Variants in PARP4 observed in about 807,000 individuals in gnomAD.
The protein encoded by PARP4 is poly(ADP-ribose) polymerase family member 4.
A neutral mutation model predicts 187.7 loss-of-function variants in PARP4; 120 were observed. The ratio of observed to expected loss-of-function variants is 0.64; its 90% confidence interval spans 0.55 to 0.74. The LOEUF (loss-of-function observed/expected upper bound fraction) is 0.74. Ranked by LOEUF, PARP4 falls within the 30% of genes least tolerant of loss-of-function variation. The pLI is 0.00. For synonymous variants in PARP4, 654 were observed against 740.9 expected (o/e 0.88, Z 1.90); for missense variants, 1,836 against 2,070.5 (o/e 0.89, Z 2.20).
chr13:24,498,751 G>GGA (rs1566020121), intron 5 of PARP4, among the ~76,000 whole-genome samples: 1 of 147,888 alleles, frequency 6.8e-6, no homozygotes, highest in Middle Eastern at 3.4e-3. Flanking sequence ...CATTTGTGGG[G>GGA]AAAAAAAAAA....
rs896432221 is a variant in PARP4, at chr13:24,456,485, A to C, written c.2425-7T>G. ...CAGCTTTGCAGTCTGTGCGCTGCAA[A>C]ACAAACACCGCGACAACAAGGTGAG... On this transcript the variant is annotated splice_polypyrimidine_tract_variant and splice_region_variant and intron_variant, in intron 20 of 33. Coordinates refer to ENST00000381989, the MANE Select transcript of PARP4 (RefSeq NM_006437.4). 1.3e-6 allele frequency: 2 copies of C among 1,583,780 alleles called. No individual in the cohort carries two copies. The highest frequency in any genetic ancestry group is 1.7e-6 in the Non-Finnish European group (2 of 1,157,342).
At chr13:24,510,385 T>C (rs1371136673) in intron 1 of PARP4, among the ~76,000 whole-genome samples, 1 of 151,836 alleles carries the variant, frequency 6.6e-6, no homozygotes, top group Non-Finnish European at 1.5e-5. Flanking sequence ...AAACCCCGTC[T>C]CTACTAAAAA....
intron 9 of PARP4, among the ~76,000 whole-genome samples, 154 bp downstream of exon 9, chr13:24,492,267 T>A (rs1868698125): frequency 6.7e-6 from 1 of 149,146 alleles, no homozygotes; most frequent in Non-Finnish European, 1.5e-5. Flanking sequence ...TTCATAAGGA[T>A]CCAGGGCTTT....
At chr13:24,421,353 CAT>C (rs1466586620) in intron 33 of PARP4, 39 bp from the exon 34 acceptor site, 1 of 854,122 alleles carries the variant, frequency 1.2e-6, no homozygotes, top group Admixed American at 3.0e-5. Flanking sequence ...CAGAATATAA[CAT>C]GTGAAATGTA....
chr13:24,456,457 T>C lies in PARP4; in HGVS notation c.2446A>G (p.Ile816Val). 6.2e-7 allele frequency: 1 copy of C among 1,605,528 alleles called. No individual in the cohort carries two copies. Among genetic ancestry groups the C allele is most frequent in the Non-Finnish European group, 8.5e-7 (1 of 1,173,196 alleles). Residue 816 changes from isoleucine to valine, a missense_variant, in exon 21 of 34, where the codon ATT becomes GTT. Ile to Val is a conservative substitution (Grantham distance 29). This residue lies in a region of PARP4 where 1,147 missense variants were observed against 1,214.2 expected (regional missense o/e 0.94). Transcript: ENST00000381989. Reference sequence around the variant, plus strand: ...AAGGAGCTGCCTTCCATGGTGCTAATGACAGCTTTGCAGTCTGTGCGCTGC... The same window carrying C: ...AAGGAGCTGCCTTCCATGGTGCTAACGACAGCTTTGCAGTCTGTGCGCTGC... ...KQKRTDCKAV[I>V]STMEGSSLDS...
At chr13:24,507,199 G>A (rs996803199) in intron 1 of PARP4, among the ~76,000 whole-genome samples, 1 of 152,244 alleles carries the variant, frequency 6.6e-6, no homozygotes, top group African/African-American at 2.4e-5. Context: ...AGCTGAAGGA[G>A]CCGGCTCCGG....
chr13:24,439,326 CAAA>C (rs34752537), intron 30 of PARP4, among the ~76,000 whole-genome samples: 81 of 139,720 alleles, frequency 5.8e-4, no homozygotes, highest in Non-Finnish European at 6.2e-4. Flanking sequence ...GACCCTGTCT[CAAA>C]AAAAAAAAAA....
intron 12 of PARP4, among the ~76,000 whole-genome samples, chr13:24,483,024 C>CTT (rs1315892007): frequency 6.9e-6 from 1 of 144,632 alleles, no homozygotes; most frequent in Non-Finnish European, 1.5e-5. Context: ...TTCTTCTTTT[C>CTT]TTTTTTTTTT....
At chr13:24,481,358 G>A (rs1334570914) in intron 12 of PARP4, among the ~76,000 whole-genome samples, 2 of 152,250 alleles carry the variant, frequency 1.3e-5, no homozygotes, top group African/African-American at 4.8e-5. Context: ...TGCAGCCATG[G>A]ATCAAGGAGT....
At chr13:24,498,829 A>C (rs534611164) in intron 5 of PARP4, among the ~76,000 whole-genome samples, 2 of 152,362 alleles carry the variant, frequency 1.3e-5, no homozygotes, top group Admixed American at 6.5e-5. Context: ...CTTAGTGTCA[A>C]ACCTTCCTTT....
chr13:24,484,529 C>T lies in PARP4; in HGVS notation c.1448+124G>A, dbSNP rs561687457. 41 of 659,394 alleles carry T rather than the reference C, an allele frequency of 6.2e-5. No homozygotes were observed. In the African/African-American group the frequency reaches 6.7e-4, roughly 11 times the overall value. 40.8% of individuals were successfully genotyped at this position (659,394 alleles called of 1,614,324 possible). A position where few individuals can be genotyped will look rare whatever the true frequency, so the allele number is the denominator to read the frequency against. ...TGAAGATGAAATAGTATTCCAGCCACATTGAGGTCATATATAATAGATAAA... is the reference window on the plus strand; with the variant it reads ...TGAAGATGAAATAGTATTCCAGCCATATTGAGGTCATATATAATAGATAAA... On this transcript the variant is annotated intron_variant, in intron 12 of 33. Coordinates refer to ENST00000381989, the MANE Select transcript of PARP4 (RefSeq NM_006437.4).
intron 4 of PARP4, among the ~76,000 whole-genome samples, chr13:24,499,927 T>C (rs1307412818): frequency 6.6e-6 from 1 of 152,154 alleles, no homozygotes; most frequent in Non-Finnish European, 1.5e-5. Flanking sequence ...TAGACTCCCA[T>C]ACTCCATTTG....
In PARP4 at chr13:24,447,205, T is replaced by A. The variant is rs768436907; in HGVS notation, c.3115-19A>T. 6.4e-7 allele frequency: 1 copy of A among 1,566,914 alleles called. No individual in the cohort carries two copies. The highest frequency in any genetic ancestry group is 8.6e-7 in the Non-Finnish European group (1 of 1,157,936). On this transcript the variant is annotated intron_variant, in intron 25 of 33. Coordinates refer to ENST00000381989, the MANE Select transcript of PARP4 (RefSeq NM_006437.4). ...CTTCTATCTATTTATAAAAGAGGAA[T>A]TATTTCTCTTTCAATGCTCCATCCA... is the stretch of plus-strand genomic sequence containing the variant.
chr13:24,458,506 G>A (rs1443953200), intron 20 of PARP4, among the ~76,000 whole-genome samples: 1 of 151,986 alleles, frequency 6.6e-6, no homozygotes, highest in South Asian at 2.1e-4. Context: ...GATCCAAGGA[G>A]GTCAAGGATG....
At chr13:24,429,350 T>C (rs4770674) in intron 32 of PARP4, among the ~76,000 whole-genome samples, 142,647 of 152,220 alleles carry the variant, frequency 0.94, 66,977 homozygotes, top group East Asian at 0.99. Flanking sequence ...CCCTTGATCA[T>C]GATCATATTG....
At chr13:24,488,404 A>C (rs1167528027) in intron 10 of PARP4, among the ~76,000 whole-genome samples, 1 of 152,190 alleles carries the variant, frequency 6.6e-6, no homozygotes, top group Non-Finnish European at 1.5e-5. Flanking sequence ...CCCAGGCTGG[A>C]GTGCAGTGGT....
chr13:24,485,682 T>C (rs1873515919), intron 11 of PARP4, among the ~76,000 whole-genome samples: 2 of 152,214 alleles, frequency 1.3e-5, no homozygotes, highest in Admixed American at 6.5e-5. Flanking sequence ...AAACAACTCA[T>C]GTTGTCTGAT....
intron 30 of PARP4, among the ~76,000 whole-genome samples, chr13:24,439,222 G>T (rs1306358904): frequency 6.6e-6 from 1 of 151,980 alleles, no homozygotes; most frequent in African/African-American, 2.4e-5. Flanking sequence ...AGCTACTTGG[G>T]AGTCTGAGGT....
At chr13:24,456,934 AC>A (rs1424282837) in intron 20 of PARP4, among the ~76,000 whole-genome samples, 3 of 152,060 alleles carry the variant, frequency 2.0e-5, no homozygotes, top group Non-Finnish European at 2.9e-5. Context: ...AACAAAAAAA[AC>A]AAAATAACAA....
Sources: gnomAD v4.1 joint callset for allele counts (sites outside exome capture counted in the v4.1 genomes callset) on GRCh38, gnomAD v4.1.1 for gene constraint, gnomAD v4.1.1 regional missense constraint, MANE v1.5 for transcripts, NCBI Gene and HGNC (gene_info 2026-07-23, HGNC 2026-07-21) for gene names.